The following KDM8 variants were observed in gnomAD, a reference collection of about 807,000 sequenced individuals.
The protein encoded by KDM8 is lysine demethylase 8, also known as bifunctional peptidase and arginyl-hydroxylase JMJD5.
Under a neutral mutation model 46.9 loss-of-function variants are expected in KDM8, and 35 were observed. The observed-to-expected ratio is 0.75, with a 90% CI of 0.57 to 0.99. KDM8 has a LOEUF of 0.99. KDM8 is among the 50% of genes least tolerant of loss of function. The pLI, the probability that KDM8 is intolerant of heterozygous loss-of-function variation, is 0.00. For missense variants in KDM8, 475 were observed against 537.0 expected, an observed-to-expected ratio of 0.88 and a Z score of 1.14; for synonymous variants, 232 against 227.7, an observed-to-expected ratio of 1.02 and a Z score of -0.17.
intron 5 of KDM8, among the ~76,000 whole-genome samples, chr16:27,217,458 A>C (rs535874193): frequency 6.6e-6 from 1 of 152,310 alleles, no homozygotes; most frequent in South Asian, 2.1e-4. Context: ...CAGATTCCAC[A>C]GGGCCAGTTC....
intron 5 of KDM8, among the ~76,000 whole-genome samples, chr16:27,217,125 T>TC (rs2083564528): frequency 1.3e-5 from 2 of 152,112 alleles, no homozygotes; most frequent in African/African-American, 2.4e-5. Context: ...CCTGGAGAAG[T>TC]CCCAGCAGCC....
At chr16:27,204,005 A>G (rs771508533) in intron 1 of KDM8, 13 of 1,116,210 alleles carry the variant, frequency 1.2e-5, no homozygotes, top group South Asian at 4.2e-5. Flanking sequence ...ATACTCTGCT[A>G]TATGTGTGTC....
rs372180879 is a variant in KDM8 at position 27,218,950 on chromosome 16, G to A, written c.844-11G>A. On this transcript the variant is annotated splice_polypyrimidine_tract_variant and intron_variant, in intron 5 of 7. Coordinates refer to ENST00000286096, the MANE Select transcript of KDM8 (RefSeq NM_024773.3). ...GATCCCCACATCTCATGTCTGCTCTGCCGCCCACAGATCCCGGAGTTGAAG... is the reference window on the plus strand; with the variant it reads ...GATCCCCACATCTCATGTCTGCTCTACCGCCCACAGATCCCGGAGTTGAAG... 6.6e-5 allele frequency: 106 copies of A among 1,613,852 alleles called. No individual in the cohort carries two copies. The highest frequency in any genetic ancestry group is 8.6e-5 in the Non-Finnish European group (102 of 1,179,938).
chr16:27,216,189 G>A (rs751304818), intron 5 of KDM8, 200 bp downstream of exon 5: 4 of 607,508 alleles, frequency 6.6e-6, no homozygotes, highest in Non-Finnish European at 1.2e-5. Flanking sequence ...AGTGCCCCGA[G>A]GATTGTAGGG....
chr16:27,203,863 C>CGCGT (rs1237311995), intron 1 of KDM8: 1 of 441,172 alleles, frequency 2.3e-6, no homozygotes, highest in African/African-American at 2.0e-5. Flanking sequence ...AAAGGTTCCG[C>CGCGT]GCGTGCGTAT....
At position 27,214,770 on chromosome 16, in the gene KDM8, C is replaced by T. The variant is rs1461780979; in HGVS notation, c.666-106C>T. 4 of 1,280,160 alleles carry T rather than the reference C, an allele frequency of 3.1e-6. No individual in the cohort carries two copies. The African/African-American group carries it at 4.4e-5, about 14-fold the overall frequency. The allele number at this position is 1,280,160 out of a possible 1,614,324, so 79.3% of individuals were successfully genotyped here. A position where few individuals can be genotyped will look rare whatever the true frequency, so the allele number is the denominator to read the frequency against. On this transcript the variant is annotated intron_variant, in intron 3 of 7. Coordinates refer to ENST00000286096, the MANE Select transcript of KDM8 (RefSeq NM_024773.3). The stretch of plus-strand genomic sequence containing the variant: ...CTGGGGATGACAGTCCTTGTCTCTG[C>T]ACGTGAGGTTTTCCGAGGATGAAAG...
intron 1 of KDM8, chr16:27,206,348 C>T: frequency 3.6e-6 from 1 of 279,382 alleles, no homozygotes; most frequent in Non-Finnish European, 5.4e-6. Context: ...TCTCAGCTCA[C>T]CCCAACCTCT....
At chr16:27,211,948 C>T (rs892705102) in intron 2 of KDM8, among the ~76,000 whole-genome samples, 3 of 152,064 alleles carry the variant, frequency 2.0e-5, no homozygotes. Flanking sequence ...GGATTACAGG[C>T]GTGAGCCACA....
Position 27,210,281 on chromosome 16 carries a change from C to T in KDM8, c.158C>T (p.Thr53Ile), listed in dbSNP as rs750697974. 1 of 1,613,302 alleles carries T rather than the reference C, an allele frequency of 6.2e-7. No individual in the cohort carries two copies. The highest frequency in any genetic ancestry group is 1.1e-5 in the South Asian group (1 of 91,090). The change falls in exon 2 of 8, where the codon ACT (threonine) becomes ATT (isoleucine). Residue 53 changes from threonine to isoleucine, a missense_variant. Transcript: ENST00000286096. The part of the protein sequence containing the change: ...RSVVTLLQRA[T>I]ELFYEGRRDE... ...GTGGTGACATTGTTGCAGCGAGCCA[C>T]TGAGCTCTTCTACGAGGGCAGGAGG...
chr16:27,209,145 A>G (rs2083455424), intron 1 of KDM8, among the ~76,000 whole-genome samples: 1 of 152,262 alleles, frequency 6.6e-6, no homozygotes, highest in Non-Finnish European at 1.5e-5. Context: ...CATGGCGCAC[A>G]GGAGAGGGTG....
Position 27,213,458 on chromosome 16 carries a change from T to C in KDM8, c.499-127T>C, listed in dbSNP as rs528044114. 45 of 860,516 alleles carry C rather than the reference T, an allele frequency of 5.2e-5. 1 individual carries two copies. The East Asian group carries it at 1.1e-3, about 21-fold the overall frequency. The allele number at this position is 860,516 out of a possible 1,614,324, so 53.3% of individuals were successfully genotyped here. A position where few individuals can be genotyped will look rare whatever the true frequency, so the allele number is the denominator to read the frequency against. Reference sequence around the variant, plus strand: ...GTAGCAGTAATAATAACAAACGTTGTCTATTGTTGTTACTGGTACTCTTGA... The same window carrying C: ...GTAGCAGTAATAATAACAAACGTTGCCTATTGTTGTTACTGGTACTCTTGA... On this transcript the variant is annotated intron_variant, in intron 2 of 7. Coordinates refer to ENST00000286096, the MANE Select transcript of KDM8 (RefSeq NM_024773.3).
intron 4 of KDM8, 45 bp downstream of exon 4, chr16:27,215,053 A>G (rs776893811): frequency 1.2e-6 from 2 of 1,602,224 alleles, no homozygotes; most frequent in Non-Finnish European, 1.7e-6. Flanking sequence ...CAAGGCAGAG[A>G]GCATAGTACA....
At chr16:27,214,781 T>A in intron 3 of KDM8, 95 bp from the exon 4 acceptor site, 1 of 1,432,794 alleles carries the variant, frequency 7.0e-7, no homozygotes, top group Non-Finnish European at 9.7e-7. Context: ...ACGTGAGGTT[T>A]TCCGAGGATG....
Position 27,220,559 on chromosome 16 carries a change from T to G in KDM8, c.1087-7T>G, listed in dbSNP as rs1360039982. On this transcript the variant is annotated splice_region_variant and splice_polypyrimidine_tract_variant and intron_variant, in intron 7 of 7. Transcript: ENST00000286096. ...CTGGAGATGATGACGTCCTTTGCTTTCTTCAGGTTGACGTGGAGAATCCCG... is the reference window on the plus strand; with the variant it reads ...CTGGAGATGATGACGTCCTTTGCTTGCTTCAGGTTGACGTGGAGAATCCCG... 5 of 1,614,078 alleles carry G rather than the reference T, an allele frequency of 3.1e-6. No homozygotes were observed. The highest frequency in any genetic ancestry group is 4.2e-6 in the Non-Finnish European group (5 of 1,180,054).
intron 4 of KDM8, 119 bp downstream of exon 4, chr16:27,215,127 G>A: frequency 1.7e-6 from 2 of 1,195,748 alleles, no homozygotes; most frequent in East Asian, 2.4e-5. Context: ...CTGTAAGTCT[G>A]TGGTCGGAGG....
At chr16:27,216,198 G>A (rs1368249250) in intron 5 of KDM8, 17 of 601,664 alleles carry the variant, frequency 2.8e-5, no homozygotes, top group Non-Finnish European at 3.0e-6. Flanking sequence ...AGGATTGTAG[G>A]GGCTGCTATT....
chr16:27,207,270 T>C (rs1310621021), intron 1 of KDM8, among the ~76,000 whole-genome samples: 1 of 152,118 alleles, frequency 6.6e-6, no homozygotes, highest in Admixed American at 6.5e-5. Context: ...TAGTCGGGCG[T>C]GATGGCATGC....
rs545404643 is a variant in KDM8, at chr16:27,219,338, C to T, written c.993+228C>T. Among the ~76,000 whole-genome samples the T allele has an allele frequency of 1.1e-3, 165 of 152,352 alleles. 1 individual carries two copies. The highest frequency in any genetic ancestry group is 3.8e-3 in the African/African-American group (160 of 41,588). On this transcript the variant is annotated intron_variant, in intron 6 of 7. Transcript: ENST00000286096. ...CTCCTGCATGTGCTCCTCCCAAGATCCCTCACAGGGGAGCCCTCGGGAGAG... is the reference window on the plus strand; with the variant it reads ...CTCCTGCATGTGCTCCTCCCAAGATTCCTCACAGGGGAGCCCTCGGGAGAG...
chr16:27,218,450 A>T (rs545484797), intron 5 of KDM8, among the ~76,000 whole-genome samples: 2 of 152,250 alleles, frequency 1.3e-5, no homozygotes, highest in East Asian at 3.9e-4. Flanking sequence ...ACCCAGGCCC[A>T]CACCTGCCTT....
Sources: gnomAD v4.1 joint callset for allele counts (sites outside exome capture counted in the v4.1 genomes callset) on GRCh38, gnomAD v4.1.1 for gene constraint, MANE v1.5 for transcripts, NCBI Gene and HGNC (gene_info 2026-07-23, HGNC 2026-07-21) for gene names.